The following PRDM15 variants were observed in gnomAD, a reference collection of about 807,000 sequenced individuals.
PRDM15 encodes the protein PR/SET domain 15.
In PRDM15, 64 loss-of-function variants were observed where a neutral mutation model predicts 128.6. That is an observed-to-expected ratio of 0.50 (90% CI 0.41 to 0.61). The LOEUF is 0.61. PRDM15 is among the 20% of genes least tolerant of loss of function. PRDM15 has a pLI of 0.00. For missense variants in PRDM15, 1,242 were observed against 1,569.1 expected (o/e 0.79, Z 3.52); for synonymous variants, 615 against 621.8 (o/e 0.99, Z 0.16).
chr21:41,871,460 C>A, intron 1 of PRDM15: 1 of 1,547,050 alleles, frequency 6.5e-7, no homozygotes, highest in Non-Finnish European at 8.8e-7. Flanking sequence ...CTGTCTGGGC[C>A]CATATCCTTC....
chr21:41,819,231 C>A (rs2062158116), intron 18 of PRDM15, among the ~76,000 whole-genome samples: 1 of 152,240 alleles, frequency 6.6e-6, no homozygotes, highest in African/African-American at 2.4e-5. Flanking sequence ...GGCAATGCCT[C>A]TCGCACTATG....
intron 5 of PRDM15, among the ~76,000 whole-genome samples, chr21:41,850,611 G>A (rs887307350): frequency 6.6e-6 from 1 of 152,088 alleles, no homozygotes; most frequent in Non-Finnish European, 1.5e-5. Flanking sequence ...GCACATCCCT[G>A]TGGTCCCAGC....
intron 3 of PRDM15, among the ~76,000 whole-genome samples, chr21:41,858,254 G>A (rs1030217570): frequency 6.6e-6 from 1 of 152,272 alleles, no homozygotes; most frequent in Admixed American, 6.5e-5. Flanking sequence ...GAGCCGGGAC[G>A]AGCCCAGGAC....
In PRDM15 at chr21:41,867,933, T is replaced by C. The variant is rs182950191; in HGVS notation, c.-9-7561A>G. 1.7e-3 allele frequency among the ~76,000 whole-genome samples: 260 copies of C among 151,682 alleles called. 1 individual carries two copies. The highest frequency in any genetic ancestry group is 5.9e-3 in the African/African-American group (245 of 41,254). On this transcript the variant is annotated intron_variant, in intron 1 of 23. Coordinates refer to ENST00000398548, the MANE Select transcript of PRDM15 (RefSeq NM_001040424.3). ...TTAGCCAGGTGTGGTGGTGGGCGCC[T>C]GTAATCCCAGCTACTTGGGAGGCTG...
At position 41,862,945 on chromosome 21, in the gene PRDM15, G is replaced by A. The variant is rs1030044779; in HGVS notation, c.-9-2573C>T. Among the ~76,000 whole-genome samples, 13 of 152,086 alleles carry A rather than the reference G, an allele frequency of 8.5e-5. No individual in the cohort carries two copies. Among genetic ancestry groups the A allele is most frequent in the African/African-American group, 1.2e-4 (5 of 41,404 alleles). On this transcript the variant is annotated intron_variant, in intron 1 of 23. Coordinates refer to ENST00000398548, the MANE Select transcript of PRDM15 (RefSeq NM_001040424.3). This position sits in a 1 kb window ranked among gnomAD's most constrained non-coding sequence, Gnocchi z 4.1. ...AGCACTTTCAGAGATGAGGACGGGC[G>A]ATCACTTCAGGTCAGGAGTTCGAGA...
intron 1 of PRDM15, chr21:41,861,765 C>T (rs751116831): frequency 3.4e-5 from 54 of 1,610,816 alleles, no homozygotes; most frequent in African/African-American, 5.3e-5. Context: ...AGAGCAGTGC[C>T]GGGTTGAAAA....
At chr21:41,868,063 T>C (rs1230900018) in intron 1 of PRDM15, among the ~76,000 whole-genome samples, 1 of 151,424 alleles carries the variant, frequency 6.6e-6, no homozygotes, top group African/African-American at 2.4e-5. Flanking sequence ...AAGAATGTCA[T>C]ATAAATGAAA....
At chr21:41,822,228 C>T (rs937385913) in intron 14 of PRDM15, among the ~76,000 whole-genome samples, 191 bp from the exon 15 acceptor site, 1 of 152,274 alleles carries the variant, frequency 6.6e-6, no homozygotes, top group Admixed American at 6.5e-5. Context: ...CCCACCTAAA[C>T]GCTAAAGCTG....
intron 8 of PRDM15, 117 bp from the exon 9 acceptor site, chr21:41,836,766 G>A (rs2062910968): frequency 8.6e-6 from 7 of 815,186 alleles, no homozygotes; most frequent in Admixed American, 2.4e-5. Flanking sequence ...GCCTGTATGC[G>A]AGAAAGGAGG....
At chr21:41,835,990 ACAGCCCCCGCCCACTCTCCTCCCTCCT>A in intron 10 of PRDM15, 96 bp downstream of exon 10, 3 of 124,072 alleles carry the variant, frequency 2.4e-5, no homozygotes, top group Non-Finnish European at 4.7e-5. Flanking sequence ...TCCCTCCCCC[ACAGCCCCCGCCCACTCTCCTCCCTCCT>A]GGGATTCTTT....
chr21:41,861,661 C>T (rs1243885649), intron 1 of PRDM15: 1 of 1,614,120 alleles, frequency 6.2e-7, no homozygotes, highest in Non-Finnish European at 8.5e-7. Flanking sequence ...TTCCACACGC[C>T]CTCCACCCCG....
At chr21:41,864,719 G>A (rs576139651) in intron 1 of PRDM15, among the ~76,000 whole-genome samples, 82 of 152,024 alleles carry the variant, frequency 5.4e-4, no homozygotes, top group Non-Finnish European at 9.9e-4. Flanking sequence ...TGCCTGGGCC[G>A]CCAACCCATT....
At chr21:41,829,367 A>C (rs1030867097) in intron 11 of PRDM15, among the ~76,000 whole-genome samples, 5,529 of 152,116 alleles carry the variant, frequency 0.036, 148 homozygotes, top group Middle Eastern at 0.11. Flanking sequence ...ACAATCACAC[A>C]CACCACAAAT....
intron 1 of PRDM15, among the ~76,000 whole-genome samples, chr21:41,876,047 T>A (rs1228050336): frequency 1.3e-5 from 2 of 152,122 alleles, no homozygotes; most frequent in African/African-American, 2.4e-5. Flanking sequence ...TGTAACACAA[T>A]AGTAAGTATT....
At chr21:41,819,742 CG>C in intron 17 of PRDM15, 41 bp from the exon 18 acceptor site, 1 of 1,566,748 alleles carries the variant, frequency 6.4e-7, no homozygotes, top group Non-Finnish European at 8.6e-7. Context: ...CGAGCAGCTC[CG>C]ACCTGCAGTG....
intron 6 of PRDM15, among the ~76,000 whole-genome samples, chr21:41,845,926 G>A (rs2063251151): frequency 6.6e-6 from 1 of 152,210 alleles, no homozygotes; most frequent in South Asian, 2.1e-4. Flanking sequence ...GGTCCGGGGC[G>A]TGCTCTGCAC....
chr21:41,820,984 G>A, intron 16 of PRDM15, 83 bp downstream of exon 16: 2 of 1,546,176 alleles, frequency 1.3e-6, no homozygotes, highest in Non-Finnish European at 1.8e-6. Context: ...GCTACAAATG[G>A]CTCCTTATAG....
chr21:41,843,124 T>C (rs2063125613), intron 6 of PRDM15, among the ~76,000 whole-genome samples: 1 of 149,086 alleles, frequency 6.7e-6, no homozygotes, highest in Non-Finnish European at 1.5e-5. Flanking sequence ...TGTTTGTTTG[T>C]TTGTTTTAAG....
chr21:41,871,311 G>A lies in PRDM15; in HGVS notation c.-10+7959C>T, dbSNP rs556922152. Among the ~76,000 whole-genome samples, 17 of 152,096 alleles carry A rather than the reference G, an allele frequency of 1.1e-4. No individual in the cohort carries two copies. In the East Asian group the frequency reaches 3.3e-3, roughly 30 times the overall value. On this transcript the variant is annotated intron_variant, in intron 1 of 23. Transcript: ENST00000398548. ...CTGCATGCCCCAGGAGTGTTTGGGG[G>A]ACTCTCTTTGGCCCTCCATTCCCCC...
Sources: allele counts gnomAD v4.1 joint callset (sites outside exome capture counted in the v4.1 genomes callset), GRCh38; gene constraint gnomAD v4.1.1; non-coding constraint Gnocchi (gnomAD v3.1); transcripts MANE v1.5; gene names NCBI Gene and HGNC (gene_info 2026-07-23, HGNC 2026-07-21).